Variants in TCN2 observed in about 807,000 individuals in gnomAD.
TCN2 encodes the protein transcobalamin 2.
Under a neutral mutation model 48.6 loss-of-function variants are expected in TCN2, and 34 were observed. The observed-to-expected ratio is 0.70, with a 90% confidence interval of 0.53 to 0.93. The LOEUF (loss-of-function observed/expected upper bound fraction) is 0.93. TCN2 is among the 40% of genes least tolerant of loss of function. The probability of loss-of-function intolerance (pLI) is 0.00; values close to 1 mark genes in which losing one functional copy is unlikely to be tolerated. For synonymous variants in TCN2, 283 were observed against 212.5 expected, an observed-to-expected ratio of 1.33 and a Z score of -2.89; for missense variants, 652 against 526.1, an observed-to-expected ratio of 1.24 and a Z score of -2.34.
intron 1 of TCN2, among the ~76,000 whole-genome samples, chr22:30,609,893 C>A (rs540906861): frequency 6.6e-6 from 1 of 152,128 alleles, no homozygotes; most frequent in South Asian, 2.1e-4. Flanking sequence ...GGGACCCAGA[C>A]CCACAGAGAT....
intron 7 of TCN2, among the ~76,000 whole-genome samples, chr22:30,618,264 T>C (rs917076755): frequency 2.2e-5 from 2 of 89,906 alleles, no homozygotes; most frequent in African/African-American, 1.2e-4. Flanking sequence ...TAATAACTGG[T>C]TTTTTTTGTT....
At chr22:30,624,715 G>C (rs147500255) in intron 8 of TCN2, among the ~76,000 whole-genome samples, 15 of 152,224 alleles carry the variant, frequency 9.9e-5, no homozygotes, top group African/African-American at 3.6e-4. Flanking sequence ...CTCTGCCCTT[G>C]AGTCTAGAAG....
chr22:30,617,425 T>TACGG lies in TCN2; in HGVS notation c.1036_1037insACGG (p.Ser346TyrfsTer20). 6.2e-7 allele frequency: 1 copy of TACGG among 1,614,094 alleles called. No individual in the cohort carries two copies. The highest frequency in any genetic ancestry group is 8.5e-7 in the Non-Finnish European group (1 of 1,180,008). On this transcript the variant is annotated frameshift_variant, in exon 7 of 9. Transcript: ENST00000215838. LOFTEE classifies it high-confidence loss of function. The stretch of plus-strand genomic sequence containing the variant: ...TAGTCTCTTGCCGCCGTACAGACAG[T>TACGG]CCATCTCTGTTCTGGCCGGGTCCAC...
intron 8 of TCN2, 126 bp from the exon 9 acceptor site, chr22:30,626,334 T>C (rs2087809317): frequency 9.9e-7 from 1 of 1,007,404 alleles, no homozygotes; most frequent in Admixed American, 2.0e-5. Context: ...GGTTCCAGCT[T>C]CCCACCACCA....
chr22:30,624,658 C>A (rs759201463), intron 8 of TCN2, among the ~76,000 whole-genome samples: 8 of 152,192 alleles, frequency 5.3e-5, no homozygotes, highest in African/African-American at 1.4e-4. Context: ...TAGGTGGACC[C>A]AGCCAGGAAG....
rs143145229 is a variant in TCN2, at chr22:30,624,547, G to T, written c.1222+1464G>T. 4.9e-3 allele frequency among the ~76,000 whole-genome samples: 741 copies of T among 150,736 alleles called. 6 individuals carry two copies. The highest frequency in any genetic ancestry group is 0.026 in the South Asian group (125 of 4,758). On this transcript the variant is annotated intron_variant, in intron 8 of 8. Coordinates refer to ENST00000215838, the MANE Select transcript of TCN2 (RefSeq NM_000355.4). ...GCCCACAAAAAAGCATTCTTTTCTT[G>T]CCCTCATTCTGAATAAATTGAGGAA...
At position 30,627,005 on chromosome 22, in the gene TCN2, G is replaced by C; in HGVS notation, c.*484G>C. 4.4e-6 allele frequency: 1 copy of C among 227,156 alleles called. No individual in the cohort carries two copies. The highest frequency in any genetic ancestry group is 8.9e-6 in the Non-Finnish European group (1 of 112,262). The allele number at this position is 227,156 out of a possible 1,614,324, so 14.1% of individuals were successfully genotyped here. A position where few individuals can be genotyped will look rare whatever the true frequency, so the allele number is the denominator to read the frequency against. On this transcript the variant is annotated 3_prime_UTR_variant, in exon 9 of 9. Transcript: ENST00000215838. ...ACAGTAGCTGGGGAGACCTCAGCAG[G>C]GCTGCTCAGTGCCTGCCTCTGACAA...
intron 7 of TCN2, among the ~76,000 whole-genome samples, chr22:30,622,623 C>T (rs536950984): frequency 1.3e-5 from 2 of 152,172 alleles, no homozygotes; most frequent in African/African-American, 2.4e-5. Context: ...ACATTGTACA[C>T]ATTCTAGGTG....
In TCN2 at chr22:30,613,142, G is replaced by A. The variant is rs747574871; in HGVS notation, c.427+100G>A. The stretch of plus-strand genomic sequence containing the variant: ...AGAACTTTGGGTTTTCTCCCCAGGC[G>A]TCTTTCCCACCATCCATTCTGCCCA... On this transcript the variant is annotated intron_variant, in intron 3 of 8. Coordinates refer to ENST00000215838, the MANE Select transcript of TCN2 (RefSeq NM_000355.4). 31 of 1,494,340 alleles carry A rather than the reference G, an allele frequency of 2.1e-5. No individual in the cohort carries two copies. In the African/African-American group the frequency reaches 2.2e-4, roughly 11 times the overall value. The allele number at this position is 1,494,340 out of a possible 1,614,324, so 92.6% of individuals were successfully genotyped here. A position where few individuals can be genotyped will look rare whatever the true frequency, so the allele number is the denominator to read the frequency against.
In TCN2 at chr22:30,622,029, C is replaced by G. The variant is rs116313854; in HGVS notation, c.1107-939C>G. Among the ~76,000 whole-genome samples, 520 of 151,974 alleles carry G rather than the reference C, an allele frequency of 3.4e-3. 4 individuals carry two copies. Among genetic ancestry groups the G allele is most frequent in the African/African-American group, 0.012 (510 of 41,430 alleles). Reference sequence around the variant, plus strand: ...TGAGATGGAGTTTTGCTCATGTTGCCCAGGCTGGGGTACAATGGTACGATC... The same window carrying G: ...TGAGATGGAGTTTTGCTCATGTTGCGCAGGCTGGGGTACAATGGTACGATC... On this transcript the variant is annotated intron_variant, in intron 7 of 8. Transcript: ENST00000215838.
At chr22:30,614,709 A>G (rs549404266) in intron 4 of TCN2, among the ~76,000 whole-genome samples, 1 of 152,288 alleles carries the variant, frequency 6.6e-6, no homozygotes, top group East Asian at 1.9e-4. Flanking sequence ...TCTTGAGGCC[A>G]GGAGTTCAAG....
In TCN2 at chr22:30,623,045, G is replaced by T. The variant is rs778112982; in HGVS notation, c.1184G>T (p.Trp395Leu). 6.2e-7 allele frequency: 1 copy of T among 1,613,964 alleles called. No homozygotes were observed. Among genetic ancestry groups the T allele is most frequent in the Non-Finnish European group, 8.5e-7 (1 of 1,179,992 alleles). Residue 395 changes from tryptophan (W) to leucine (L), a missense_variant, in exon 8 of 9, where the codon TGG (tryptophan) becomes TTG (leucine). Transcript: ENST00000215838. Reference protein sequence around the residue: ...MGKAAGEREFWQLLRDPNTPL... With the variant: ...MGKAAGEREFLQLLRDPNTPL... ...AAAGCGGCCGGAGAAAGGGAGTTCT[G>T]GCAGCTTCTCCGAGACCCCAACACC...
chr22:30,624,080 A>ATTT lies in TCN2; in HGVS notation c.1222+1007_1222+1009dup, dbSNP rs201040176. On this transcript the variant is annotated intron_variant, in intron 8 of 8. Transcript: ENST00000215838. ...CACACACATATATATATATATATAT[A>ATTT]TTTTTTTTTTTTGAGATGGAGTCTT... Among the ~76,000 whole-genome samples the ATTT allele has an allele frequency of 3.6e-4, 15 of 41,350 alleles. 2 individuals are homozygous for ATTT. Among genetic ancestry groups the ATTT allele is most frequent in the African/African-American group, 1.9e-3 (8 of 4,312 alleles). 27.1% of individuals were successfully genotyped at this position (41,350 alleles called of 152,430 possible).
chr22:30,623,901 T>TATAC (rs2087752837), intron 8 of TCN2, among the ~76,000 whole-genome samples: 1 of 90,862 alleles, frequency 1.1e-5, no homozygotes, highest in Non-Finnish European at 1.9e-5. Context: ...TATATATGTA[T>TATAC]ACATATATAT....
In TCN2 at chr22:30,607,341, C is replaced by T. The variant is rs572942248; in HGVS notation, c.10C>T (p.Leu4Phe). The change falls in exon 1 of 9, where the codon CTT (leucine) becomes TTT (phenylalanine). Residue 4 changes from leucine to phenylalanine, a missense_variant. By Grantham distance (22) the Leu-to-Phe change is conservative (BLOSUM62 0). Transcript: ENST00000215838. MRH[L>F]GAFLFLLGVL... is the part of the protein sequence containing the mutation. ...CCCACCTGCTGCTGCCATGAGGCAC[C>T]TTGGGGCCTTCCTCTTCCTTCTGGG... The T allele has an allele frequency of 9.9e-6, 16 of 1,614,192 alleles. No homozygotes were observed. In the African/African-American group the frequency reaches 1.5e-4, roughly 15 times the overall value.
chr22:30,617,559 G>A (rs937984008), intron 7 of TCN2, 64 bp downstream of exon 7: 2 of 1,609,186 alleles, frequency 1.2e-6, no homozygotes, highest in African/African-American at 2.7e-5. Context: ...CAGGGTCACA[G>A]AAGAGACGGG....
rs776417120 is a variant in TCN2, at chr22:30,614,486, G to A, written c.565G>A (p.Gly189Ser). ...GTATGCTGTGGAACCTTTCCACCAGGGCCACCATTCTGTGGGTGAGTAGGT... is the reference window on the plus strand; with the variant it reads ...GTATGCTGTGGAACCTTTCCACCAGAGCCACCATTCTGTGGGTGAGTAGGT... The part of the protein sequence containing the change: ...LLYAVEPFHQ[G>S]HHSVDTAAMA... Residue 189 changes from glycine to serine, a missense_variant, in exon 4 of 9, where the codon GGC becomes AGC. Transcript: ENST00000215838. 1 of 1,614,140 alleles carries A rather than the reference G, an allele frequency of 6.2e-7. No individual in the cohort carries two copies. Among genetic ancestry groups the A allele is most frequent in the Middle Eastern group, 1.6e-4 (1 of 6,062 alleles).
intron 1 of TCN2, among the ~76,000 whole-genome samples, chr22:30,607,958 G>C (rs956388691): frequency 6.6e-6 from 1 of 152,188 alleles, no homozygotes; most frequent in Non-Finnish European, 1.5e-5. Flanking sequence ...GGAAGAAAAG[G>C]AGCTGGCAGG....
rs774991049 is a variant in TCN2, at chr22:30,615,740, A to G, written c.893A>G (p.His298Arg). The G allele has an allele frequency of 6.2e-7, 1 of 1,614,212 alleles. No individual in the cohort carries two copies. Among genetic ancestry groups the G allele is most frequent in the Admixed American group, 1.7e-5 (1 of 60,020 alleles). ...MISQLLPVLN[H>R]KTYIDLIFPD... ...TCCCAGCTGCTGCCCGTTCTGAACC[A>G]CAAGACCTACATTGATCTGATCTTC... Residue 298 changes from histidine (H) to arginine (R), a missense_variant, in exon 6 of 9, where the codon CAC becomes CGC. Physicochemically the swap from His to Arg is conservative, Grantham distance 29 (BLOSUM62 0). Coordinates refer to ENST00000215838, the MANE Select transcript of TCN2 (RefSeq NM_000355.4).
Sources: allele counts gnomAD v4.1 joint callset (sites outside exome capture counted in the v4.1 genomes callset), GRCh38; gene constraint gnomAD v4.1.1; transcripts MANE v1.5; gene names NCBI Gene and HGNC (gene_info 2026-07-23, HGNC 2026-07-21).